BTBD9: variants seen among roughly 807,000 people sequenced by gnomAD.
The protein encoded by BTBD9 is BTB domain containing 9, also known as BTB/POZ domain-containing protein 9.
In BTBD9, 49 loss-of-function variants were observed where a neutral mutation model predicts 64.3. The ratio of observed to expected loss-of-function variants is 0.76; its 90% confidence interval spans 0.61 to 0.97. The LOEUF (loss-of-function observed/expected upper bound fraction) is 0.97, where lower values mean the gene tolerates loss of function less well. Ranked by LOEUF, BTBD9 falls within the 50% of genes least tolerant of loss-of-function variation. The pLI, the probability that BTBD9 is intolerant of heterozygous loss-of-function variation, is 0.00. For synonymous variants in BTBD9, 260 were observed against 274.7 expected, an observed-to-expected ratio of 0.95 and a Z score of 0.53; for missense variants, 598 against 762.1, an observed-to-expected ratio of 0.78 and a Z score of 2.53.
intron 9 of BTBD9, among the ~76,000 whole-genome samples, chr6:38,229,991 C>A (rs1436975751): frequency 6.6e-6 from 1 of 152,198 alleles, no homozygotes; most frequent in Non-Finnish European, 1.5e-5. Context: ...TTTCTCTCCT[C>A]TCCCTCATCC....
At chr6:38,402,695 T>A in intron 6 of BTBD9, 1 of 637,824 alleles carries the variant, frequency 1.6e-6, no homozygotes, top group South Asian at 1.8e-5. Flanking sequence ...AACATAAGAG[T>A]CAAAACTATA....
chr6:38,503,300 G>A (rs1161949501), intron 6 of BTBD9, among the ~76,000 whole-genome samples: 1 of 151,966 alleles, frequency 6.6e-6, no homozygotes, highest in Non-Finnish European at 1.5e-5. Context: ...CCCACAAACA[G>A]GGCTGCTGCC....
chr6:38,317,792 T>C (rs1763077660), intron 7 of BTBD9, among the ~76,000 whole-genome samples: 1 of 152,150 alleles, frequency 6.6e-6, no homozygotes, highest in Admixed American at 6.6e-5. Context: ...GAGACTCCAA[T>C]GCATTCTTCA....
At chr6:38,475,877 G>C (rs571918362) in intron 6 of BTBD9, among the ~76,000 whole-genome samples, 1 of 152,116 alleles carries the variant, frequency 6.6e-6, no homozygotes, top group African/African-American at 2.4e-5. Context: ...GATTCTCTGA[G>C]AGTCTCAGAG....
At chr6:38,443,321 GA>G (rs1769125083) in intron 6 of BTBD9, among the ~76,000 whole-genome samples, 1 of 152,172 alleles carries the variant, frequency 6.6e-6, no homozygotes, top group African/African-American at 2.4e-5. Context: ...GAAGGGGTGA[GA>G]ATATGTTTTC....
intron 6 of BTBD9, among the ~76,000 whole-genome samples, chr6:38,518,653 C>T (rs1339527474): frequency 6.6e-6 from 1 of 152,190 alleles, no homozygotes; most frequent in African/African-American, 2.4e-5. Flanking sequence ...TTAACCAACC[C>T]TGAGCTGACC....
chr6:38,487,015 A>AG (rs1004176740), intron 6 of BTBD9, among the ~76,000 whole-genome samples: 1 of 152,238 alleles, frequency 6.6e-6, no homozygotes, highest in Non-Finnish European at 1.5e-5. Flanking sequence ...TACAAGAGAG[A>AG]GTTGAGATGG....
intron 6 of BTBD9, among the ~76,000 whole-genome samples, chr6:38,451,308 T>C (rs972721493): frequency 1.3e-5 from 2 of 152,198 alleles, no homozygotes; most frequent in Admixed American, 6.5e-5. Flanking sequence ...TAAATGTAGA[T>C]ATTTTGTGCT....
At chr6:38,466,465 A>AC (rs1212926861) in intron 6 of BTBD9, among the ~76,000 whole-genome samples, 2 of 151,306 alleles carry the variant, frequency 1.3e-5, no homozygotes, top group African/African-American at 4.9e-5. Context: ...CTAATTTTGC[A>AC]TTTTTTTAGT....
chr6:38,392,222 A>T (rs1028840411), intron 6 of BTBD9, among the ~76,000 whole-genome samples: 2 of 152,144 alleles, frequency 1.3e-5, no homozygotes, highest in African/African-American at 2.4e-5. Context: ...AATCATCATC[A>T]GACAGAAAGA....
intron 6 of BTBD9, among the ~76,000 whole-genome samples, chr6:38,406,065 T>C (rs1421678814): frequency 6.6e-6 from 1 of 152,226 alleles, no homozygotes; most frequent in African/African-American, 2.4e-5. Context: ...GGCTCAACTT[T>C]AGGCCTCTCA....
intron 6 of BTBD9, among the ~76,000 whole-genome samples, chr6:38,438,650 T>A (rs1438733030): frequency 6.6e-6 from 1 of 152,252 alleles, no homozygotes; most frequent in Non-Finnish European, 1.5e-5. Context: ...GAAAGTTCAT[T>A]CTTTCAATCT....
intron 6 of BTBD9, among the ~76,000 whole-genome samples, chr6:38,478,852 G>A (rs981475445): frequency 1.3e-5 from 2 of 152,282 alleles, no homozygotes; most frequent in East Asian, 3.9e-4. Flanking sequence ...TGTCTTGTGA[G>A]CTAAAATTCC....
chr6:38,624,069 A>C (rs1263162872), intron 1 of BTBD9, among the ~76,000 whole-genome samples: 1 of 152,192 alleles, frequency 6.6e-6, no homozygotes, highest in Non-Finnish European at 1.5e-5. Context: ...TCCTGGGTTG[A>C]GTGGGGACTT....
intron 9 of BTBD9, among the ~76,000 whole-genome samples, chr6:38,226,680 G>T (rs568657831): frequency 6.6e-6 from 1 of 152,232 alleles, no homozygotes; most frequent in Non-Finnish European, 1.5e-5. Context: ...GCTCAAACCT[G>T]AGATTTGGGC....
chr6:38,253,733 C>T (rs1048801311), intron 9 of BTBD9, among the ~76,000 whole-genome samples: 8 of 152,086 alleles, frequency 5.3e-5, no homozygotes, highest in Non-Finnish European at 1.2e-4. Context: ...GTTCATGGGC[C>T]GTGGAGGCCC....
chr6:38,301,473 G>A (rs1329701725), intron 7 of BTBD9, among the ~76,000 whole-genome samples: 4 of 152,272 alleles, frequency 2.6e-5, no homozygotes, highest in Admixed American at 2.6e-4. Flanking sequence ...GAATTTGGCT[G>A]TGAATCCATC....
chr6:38,634,213 A>C (rs543449273), intron 1 of BTBD9, among the ~76,000 whole-genome samples: 1 of 152,188 alleles, frequency 6.6e-6, no homozygotes, highest in Non-Finnish European at 1.5e-5. Context: ...TTGCACAGCT[A>C]CTGTTTTATT....
chr6:38,469,759 C>T (rs1440823313), intron 6 of BTBD9, among the ~76,000 whole-genome samples: 2 of 152,188 alleles, frequency 1.3e-5, no homozygotes, highest in African/African-American at 4.8e-5. Flanking sequence ...ACAAATATCA[C>T]TTAATTTTCA....
Sources: gnomAD v4.1 joint callset for allele counts (sites outside exome capture counted in the v4.1 genomes callset) on GRCh38, gnomAD v4.1.1 for gene constraint, MANE v1.5 for transcripts, NCBI Gene and HGNC (gene_info 2026-07-23, HGNC 2026-07-21) for gene names.